Variants in TNIK observed in about 807,000 individuals in gnomAD.
TNIK encodes TRAF2 and NCK interacting kinase.
Under a neutral mutation model 191.3 loss-of-function variants are expected in TNIK, and 49 were observed. The ratio of observed to expected loss-of-function variants is 0.26; its 90% CI spans 0.20 to 0.32. TNIK has a LOEUF of 0.32. Among genes scored for constraint, TNIK ranks in the 10% least tolerant of loss-of-function variants. The pLI is 1.00. For synonymous variants in TNIK, 594 were observed against 600.9 expected (o/e 0.99, Z 0.17); for missense variants, 1,155 against 1,702.3 (o/e 0.68, Z 5.66).
intron 15 of TNIK, among the ~76,000 whole-genome samples, chr3:171,130,966 A>G (rs778396730): frequency 3.3e-5 from 5 of 152,294 alleles, no homozygotes; most frequent in South Asian, 2.1e-4. Context: ...CAAAGAAACC[A>G]TTTTTGAGAT....
rs1368324903 is a variant in TNIK, at chr3:171,138,392, G to A, written c.1420-13C>T. The A allele has an allele frequency of 1.3e-6, 2 of 1,525,926 alleles. No individual in the cohort carries two copies. The highest frequency in any genetic ancestry group is 8.8e-7 in the Non-Finnish European group (1 of 1,138,808). 94.5% of individuals were successfully genotyped at this position (1,525,926 alleles called of 1,614,324 possible). A position where few individuals can be genotyped will look rare whatever the true frequency, so the allele number is the denominator to read the frequency against. ...TGCGCTTATATTCCTGTCCAGATCA[G>A]GAAAGAGGAGCAAAGAAAAGGCCAA... On this transcript the variant is annotated splice_polypyrimidine_tract_variant and intron_variant, in intron 14 of 32. Transcript: ENST00000436636.
intron 3 of TNIK, among the ~76,000 whole-genome samples, chr3:171,221,467 C>A (rs1049015135): frequency 1.3e-5 from 2 of 152,146 alleles, no homozygotes; most frequent in Non-Finnish European, 2.9e-5. Context: ...TTATTGGCCA[C>A]CCAGCTAGGT....
intron 2 of TNIK, among the ~76,000 whole-genome samples, chr3:171,299,556 G>C (rs1302500479): frequency 2.0e-5 from 3 of 152,152 alleles, no homozygotes; most frequent in African/African-American, 4.8e-5. Flanking sequence ...ACTATTTGTT[G>C]CTCAGCCTCA....
chr3:171,333,343 G>T (rs993507583), intron 2 of TNIK, among the ~76,000 whole-genome samples: 5 of 151,958 alleles, frequency 3.3e-5, no homozygotes, highest in African/African-American at 1.2e-4. Flanking sequence ...ATCACCTGAG[G>T]TTAGGAGTTC....
At chr3:171,398,475 T>C (rs990095087) in intron 1 of TNIK, among the ~76,000 whole-genome samples, 11 of 152,206 alleles carry the variant, frequency 7.2e-5, no homozygotes, top group African/African-American at 2.7e-4. Context: ...CACAGAGAGA[T>C]TGGCTATCTC....
At chr3:171,360,882 T>G (rs1438171064) in intron 2 of TNIK, among the ~76,000 whole-genome samples, 1 of 152,232 alleles carries the variant, frequency 6.6e-6, no homozygotes, top group South Asian at 2.1e-4. Context: ...AACATTGAAG[T>G]GATCTATTTT....
intron 10 of TNIK, among the ~76,000 whole-genome samples, chr3:171,162,285 G>T (rs117249699): frequency 6.6e-6 from 1 of 151,970 alleles, no homozygotes; most frequent in African/African-American, 2.4e-5. Context: ...TTAGCTGGGC[G>T]TGGTTACAGG....
chr3:171,309,091 C>T (rs974599907), intron 2 of TNIK, among the ~76,000 whole-genome samples: 13 of 152,118 alleles, frequency 8.5e-5, no homozygotes, highest in African/African-American at 3.1e-4. Context: ...CATAAAGACA[C>T]ATGCACATGT....
intron 18 of TNIK, among the ~76,000 whole-genome samples, chr3:171,122,238 C>T (rs1028949801): frequency 6.6e-5 from 10 of 152,128 alleles, no homozygotes; most frequent in Admixed American, 6.5e-5. Flanking sequence ...TCTAAGCAAC[C>T]GATCCAATGA....
chr3:171,306,402 T>C (rs1305824250), intron 2 of TNIK, among the ~76,000 whole-genome samples: 1 of 152,058 alleles, frequency 6.6e-6, no homozygotes, highest in Non-Finnish European at 1.5e-5. Flanking sequence ...AAGAAAATAT[T>C]TCATATGGAT....
At chr3:171,409,235 G>A (rs998551707) in intron 1 of TNIK, among the ~76,000 whole-genome samples, 2 of 152,104 alleles carry the variant, frequency 1.3e-5, no homozygotes, top group African/African-American at 2.4e-5. Flanking sequence ...CTGAATATGT[G>A]GAAAACAGGT....
chr3:171,176,174 A>G (rs1735933576), intron 8 of TNIK, among the ~76,000 whole-genome samples: 1 of 152,224 alleles, frequency 6.6e-6, no homozygotes, highest in African/African-American at 2.4e-5. Context: ...TCTACCACTC[A>G]TCAAGAATGA....
At chr3:171,119,936 TTAAAG>T (rs1264625380) in intron 18 of TNIK, among the ~76,000 whole-genome samples, 1 of 152,162 alleles carries the variant, frequency 6.6e-6, no homozygotes, top group Non-Finnish European at 1.5e-5. Flanking sequence ...ACCCTAAAAC[TTAAAG>T]TATATAAAAA....
At chr3:171,186,115 T>C (rs1737342095) in intron 7 of TNIK, among the ~76,000 whole-genome samples, 1 of 152,188 alleles carries the variant, frequency 6.6e-6, no homozygotes, top group African/African-American at 2.4e-5. Flanking sequence ...TTATACACAA[T>C]GGATAGTCTA....
intron 12 of TNIK, among the ~76,000 whole-genome samples, chr3:171,154,847 C>T (rs529271317): frequency 3.3e-5 from 5 of 152,330 alleles, no homozygotes; most frequent in African/African-American, 1.2e-4. Context: ...GCTGAGTCTT[C>T]TCTCCACCAT....
At position 171,293,070 on chromosome 3, in the gene TNIK, CA is replaced by C. The variant is rs1370261802; in HGVS notation, c.124-64850del. 3.3e-5 allele frequency among the ~76,000 whole-genome samples: 5 copies of C among 152,232 alleles called. No homozygotes were observed. In the East Asian group the frequency reaches 7.7e-4, roughly 24 times the overall value. Reference sequence around the variant, plus strand: ...CCTGTTTGCCTACTTTTTTCACTTTCAAAAACCTTCAAGTAGTTGCTTTTTT... The same window carrying C: ...CCTGTTTGCCTACTTTTTTCACTTTCAAAACCTTCAAGTAGTTGCTTTTTT... On this transcript the variant is annotated intron_variant, in intron 2 of 32. Coordinates refer to ENST00000436636, the MANE Select transcript of TNIK (RefSeq NM_015028.4).
chr3:171,144,892 A>G (rs1469461803), intron 12 of TNIK, among the ~76,000 whole-genome samples: 2 of 152,078 alleles, frequency 1.3e-5, no homozygotes, highest in East Asian at 3.9e-4. Flanking sequence ...CTTTCACTTG[A>G]TATAATGTCT....
chr3:171,229,073 G>A (rs1743298678), intron 2 of TNIK, among the ~76,000 whole-genome samples: 1 of 152,136 alleles, frequency 6.6e-6, no homozygotes, highest in African/African-American at 2.4e-5. Context: ...CTAGCTGCAT[G>A]ACCTTAGGCA....
intron 23 of TNIK, among the ~76,000 whole-genome samples, chr3:171,089,333 T>C (rs900434422): frequency 6.6e-6 from 1 of 152,248 alleles, no homozygotes; most frequent in South Asian, 2.1e-4. Context: ...ATACATCTTA[T>C]TGTGTGCTAC....
Sources: gnomAD v4.1 joint callset for allele counts (sites outside exome capture counted in the v4.1 genomes callset) on GRCh38, gnomAD v4.1.1 for gene constraint, MANE v1.5 for transcripts, NCBI Gene and HGNC (gene_info 2026-07-23, HGNC 2026-07-21) for gene names.